C6orf52: variants seen among roughly 807,000 people sequenced by gnomAD.
C6orf52 encodes chromosome 6 open reading frame 52.
Under a neutral mutation model 16.6 loss-of-function variants are expected in C6orf52, and 16 were observed. The observed-to-expected ratio is 0.96, with a 90% confidence interval of 0.65 to 1.46. The LOEUF is 1.46. Ranked by LOEUF, C6orf52 falls within the 40% of genes most tolerant of loss-of-function variation. The probability of loss-of-function intolerance (pLI) is 0.00; values close to 1 mark genes in which losing one functional copy is unlikely to be tolerated. For synonymous variants in C6orf52, 53 were observed against 61.4 expected (o/e 0.86, Z 0.64); for missense variants, 166 against 182.3 (o/e 0.91, Z 0.52).
intron 1 of C6orf52, among the ~76,000 whole-genome samples, 188 bp from the exon 2 acceptor site, chr6:10,687,749 G>C (rs1768983811): frequency 6.6e-6 from 1 of 152,036 alleles, no homozygotes; most frequent in Admixed American, 6.6e-5. Context: ...GTGGGTGGGG[G>C]AGGGGTGTAC....
chr6:10,682,827 C>T (rs1768519171), intron 4 of C6orf52, among the ~76,000 whole-genome samples: 1 of 152,164 alleles, frequency 6.6e-6, no homozygotes, highest in African/African-American at 2.4e-5. Context: ...GATCCAATAA[C>T]CCTGAGGCCA....
At chr6:10,676,607 CATA>C (rs1204861265) in intron 4 of C6orf52, among the ~76,000 whole-genome samples, 4 of 152,224 alleles carry the variant, frequency 2.6e-5, no homozygotes, top group Non-Finnish European at 5.9e-5. Context: ...AGTCTATTTG[CATA>C]ATAAGATCAG....
At chr6:10,673,120 T>C (rs1767571104) in intron 4 of C6orf52, among the ~76,000 whole-genome samples, 1 of 152,232 alleles carries the variant, frequency 6.6e-6, no homozygotes, top group Non-Finnish European at 1.5e-5. Flanking sequence ...CTAAACATTC[T>C]GAAATTTTCT....
In C6orf52 at chr6:10,679,208, C is replaced by T. The variant is rs146230562; in HGVS notation, c.316+3979G>A. On this transcript the variant is annotated intron_variant, in intron 4 of 4. Transcript: ENST00000259983. ...CAATCCCAGCACTTTGGGAGGATGACGTGGGTGGATCACCTGAGGCCAGGA... is the reference window on the plus strand; with the variant it reads ...CAATCCCAGCACTTTGGGAGGATGATGTGGGTGGATCACCTGAGGCCAGGA... Among the ~76,000 whole-genome samples the T allele has an allele frequency of 9.2e-3, 1,396 of 151,964 alleles. 15 individuals carry two copies. Among genetic ancestry groups the T allele is most frequent in the African/African-American group, 0.032 (1,313 of 41,414 alleles).
intron 4 of C6orf52, among the ~76,000 whole-genome samples, chr6:10,673,321 T>C (rs77494193): frequency 0.01 from 1,570 of 152,346 alleles, 42 homozygotes; most frequent in East Asian, 0.089. Flanking sequence ...ACATGATCTC[T>C]GCCCTTCCAG....
intron 4 of C6orf52, among the ~76,000 whole-genome samples, chr6:10,677,127 T>TTC (rs1767970044): frequency 6.6e-6 from 1 of 152,262 alleles, no homozygotes; most frequent in Non-Finnish European, 1.5e-5. Flanking sequence ...TTATGTTTTC[T>TTC]TCTAGTAGTT....
chr6:10,675,800 G>A (rs1279154372), intron 4 of C6orf52, among the ~76,000 whole-genome samples: 1 of 152,128 alleles, frequency 6.6e-6, no homozygotes, highest in Non-Finnish European at 1.5e-5. Flanking sequence ...ATTTTCTCAT[G>A]CATCTATTGG....
chr6:10,689,311 T>G (rs757029064), intron 1 of C6orf52, among the ~76,000 whole-genome samples: 3 of 152,206 alleles, frequency 2.0e-5, no homozygotes, highest in African/African-American at 4.8e-5. Flanking sequence ...CATCCAGGGA[T>G]GCAGAACCCA....
At chr6:10,690,304 C>T (rs1769181501) in intron 1 of C6orf52, among the ~76,000 whole-genome samples, 1 of 152,122 alleles carries the variant, frequency 6.6e-6, no homozygotes, top group South Asian at 2.1e-4. Context: ...TAGATTACTC[C>T]CATGAATCAG....
At chr6:10,674,639 C>CTTTTTTTTTTTT (rs78122068) in intron 4 of C6orf52, 6 of 126,336 alleles carry the variant, frequency 4.7e-5, no homozygotes, top group African/African-American at 1.2e-4. Flanking sequence ...TTCTTTCTTT[C>CTTTTTTTTTTTT]TTTTTTTTTT....
intron 4 of C6orf52, among the ~76,000 whole-genome samples, chr6:10,679,250 G>C (rs1450568688): frequency 6.6e-6 from 1 of 151,950 alleles, no homozygotes; most frequent in Non-Finnish European, 1.5e-5. Flanking sequence ...GACCAGCCTG[G>C]CCAACATGGC....
chr6:10,684,980 T>C (rs1768738222), intron 3 of C6orf52: 2 of 1,009,904 alleles, frequency 2.0e-6, no homozygotes, highest in African/African-American at 1.7e-5. Flanking sequence ...ATGCATGTTA[T>C]AGTAATAATT....
intron 4 of C6orf52, among the ~76,000 whole-genome samples, chr6:10,672,142 G>A (rs1767480482): frequency 6.6e-6 from 1 of 152,208 alleles, no homozygotes; most frequent in African/African-American, 2.4e-5. Context: ...TATTGCGAAC[G>A]TATTAAACGT....
chr6:10,677,626 G>A (rs1768012367), intron 4 of C6orf52, among the ~76,000 whole-genome samples: 2 of 151,532 alleles, frequency 1.3e-5, no homozygotes, highest in Non-Finnish European at 2.9e-5. Flanking sequence ...CCGCCTCCCG[G>A]GTTCCAGCAA....
At position 10,687,084 on chromosome 6, in the gene C6orf52, T is replaced by C. The variant is rs1307019042; in HGVS notation, c.152A>G (p.His51Arg). Residue 51 changes from histidine to arginine, a missense_variant, in exon 3 of 5, where the codon CAC (histidine) becomes CGC (arginine). Transcript: ENST00000259983. ...GTAGCCAGAAAGAAGGTAAGAGCCG[T>C]GCTGTCGCGCATACCAGTTGCCATA... ...YRYGNWYARQ[H>R]GSYLLSGYSY... 1 of 1,552,000 alleles carries C rather than the reference T, an allele frequency of 6.4e-7. No homozygotes were observed. Among genetic ancestry groups the C allele is most frequent in the Admixed American group, 2.0e-5 (1 of 51,010 alleles).
chr6:10,683,526 T>G (rs1367929340), intron 3 of C6orf52, among the ~76,000 whole-genome samples: 3 of 152,210 alleles, frequency 2.0e-5, no homozygotes, highest in African/African-American at 7.2e-5. Context: ...TCCTAGAGCC[T>G]GAGCTAGGAA....
At chr6:10,678,397 TTGTACA>T in intron 4 of C6orf52, among the ~76,000 whole-genome samples, 1 of 152,304 alleles carries the variant, frequency 6.6e-6, no homozygotes, top group South Asian at 2.1e-4. Context: ...GTTACAGCTA[TTGTACA>T]TGGGATTATT....
At chr6:10,677,307 T>C (rs1767981957) in intron 4 of C6orf52, among the ~76,000 whole-genome samples, 1 of 152,200 alleles carries the variant, frequency 6.6e-6, no homozygotes, top group Admixed American at 6.5e-5. Flanking sequence ...GCACCTTTGC[T>C]GAAAATCAGT....
chr6:10,693,897 T>G (rs985384967), intron 1 of C6orf52, among the ~76,000 whole-genome samples: 1 of 151,988 alleles, frequency 6.6e-6, no homozygotes, highest in Non-Finnish European at 1.5e-5. Flanking sequence ...CTGGGCTAAT[T>G]TATAACATTT....
Sources: allele counts gnomAD v4.1 joint callset (sites outside exome capture counted in the v4.1 genomes callset), GRCh38; gene constraint gnomAD v4.1.1; transcripts MANE v1.5; gene names NCBI Gene and HGNC (gene_info 2026-07-23, HGNC 2026-07-21).